Variants in GOLGA5 observed in about 807,000 individuals in gnomAD.
The protein encoded by GOLGA5 is golgin A5.
In GOLGA5, 50 loss-of-function variants were observed where a neutral mutation model predicts 93.5. The ratio of observed to expected loss-of-function variants is 0.53; its 90% CI spans 0.43 to 0.68. The LOEUF (loss-of-function observed/expected upper bound fraction) is 0.68, where lower values mean the gene tolerates loss of function less well. GOLGA5 is among the 30% of genes least tolerant of loss of function. The pLI is 0.00. For synonymous variants in GOLGA5, 312 were observed against 304.5 expected (o/e 1.02, Z -0.26); for missense variants, 760 against 856.4 (o/e 0.89, Z 1.40).
At chr14:92,832,096 G>A (rs118151436) in intron 9 of GOLGA5, among the ~76,000 whole-genome samples, 3 of 152,224 alleles carry the variant, frequency 2.0e-5, no homozygotes, top group East Asian at 1.9e-4. Context: ...CAGCGTTATC[G>A]GAGTGACTGA....
intron 9 of GOLGA5, among the ~76,000 whole-genome samples, chr14:92,830,209 T>C (rs1415666863): frequency 6.6e-6 from 1 of 152,068 alleles, no homozygotes; most frequent in Non-Finnish European, 1.5e-5. Flanking sequence ...TCCCAGCTAT[T>C]CAGGAGGCTG....
At chr14:92,814,991 C>T (rs573962005) in intron 6 of GOLGA5, among the ~76,000 whole-genome samples, 4 of 152,252 alleles carry the variant, frequency 2.6e-5, no homozygotes, top group South Asian at 4.2e-4. Context: ...AACAGGCCCA[C>T]GGACCATCAT....
intron 12 of GOLGA5, among the ~76,000 whole-genome samples, chr14:92,838,368 GTGT>G (rs1231553953): frequency 1.3e-5 from 2 of 151,818 alleles, no homozygotes; most frequent in African/African-American, 4.8e-5. Context: ...TACAGGTTTT[GTGT>G]TGTTTTTTTT....
intron 6 of GOLGA5, among the ~76,000 whole-genome samples, chr14:92,815,904 A>G (rs1885193772): frequency 6.6e-6 from 1 of 151,368 alleles, no homozygotes. Context: ...ACGGGGTTTC[A>G]CCATATTAGC....
Position 92,809,538 on chromosome 14 carries a change from A to G in GOLGA5, c.992+19A>G. Reference sequence around the variant, plus strand: ...AATCACGGTAGGTGATTCTATGAATAATGAAAAAAATGAGCAAGTAATGGT... The same window carrying G: ...AATCACGGTAGGTGATTCTATGAATGATGAAAAAAATGAGCAAGTAATGGT... On this transcript the variant is annotated intron_variant, in intron 4 of 12. Transcript: ENST00000163416. 2.1e-6 allele frequency: 3 copies of G among 1,435,710 alleles called. No individual in the cohort carries two copies. Among genetic ancestry groups the G allele is most frequent in the Non-Finnish European group, 2.9e-6 (3 of 1,021,358 alleles). The allele number at this position is 1,435,710 out of a possible 1,614,324, so 88.9% of individuals were successfully genotyped here.
chr14:92,820,446 G>A (rs1327727888), intron 8 of GOLGA5, among the ~76,000 whole-genome samples: 1 of 152,196 alleles, frequency 6.6e-6, no homozygotes, highest in East Asian at 1.9e-4. Context: ...TGTACAATCG[G>A]GTTTTATCCT....
At position 92,805,325 on chromosome 14, in the gene GOLGA5, C is replaced by T. The variant is rs535663766; in HGVS notation, c.545-1411C>T. Among the ~76,000 whole-genome samples the T allele has an allele frequency of 1.2e-3, 186 of 152,150 alleles. 2 individuals carry two copies. The highest frequency in any genetic ancestry group is 4.2e-3 in the African/African-American group (175 of 41,516). On this transcript the variant is annotated intron_variant, in intron 2 of 12. Coordinates refer to ENST00000163416, the MANE Select transcript of GOLGA5 (RefSeq NM_005113.4). Reference sequence around the variant, plus strand: ...AGTGAGATTCATCCATGTTACTGTTCTTTTTTTATTCTGTTTTATTATGTA... The same window carrying T: ...AGTGAGATTCATCCATGTTACTGTTTTTTTTTTATTCTGTTTTATTATGTA...
intron 2 of GOLGA5, among the ~76,000 whole-genome samples, chr14:92,802,918 T>G (rs1229535887): frequency 6.6e-6 from 1 of 152,044 alleles, no homozygotes; most frequent in African/African-American, 2.4e-5. Context: ...TGCACACCAC[T>G]GCACCTAGCT....
chr14:92,801,666 A>G (rs1397396041), intron 2 of GOLGA5, among the ~76,000 whole-genome samples: 1 of 151,104 alleles, frequency 6.6e-6, no homozygotes, highest in South Asian at 2.1e-4. Flanking sequence ...CTTTCCTTAC[A>G]CTGAGATCAT....
intron 8 of GOLGA5, among the ~76,000 whole-genome samples, chr14:92,824,326 C>T (rs1380126069): frequency 6.6e-6 from 1 of 152,094 alleles, no homozygotes; most frequent in Non-Finnish European, 1.5e-5. Context: ...TCTTTGTTTA[C>T]AATACATACT....
intron 2 of GOLGA5, among the ~76,000 whole-genome samples, chr14:92,800,985 A>G (rs1884858754): frequency 6.6e-6 from 1 of 152,190 alleles, no homozygotes; most frequent in Non-Finnish European, 1.5e-5. Flanking sequence ...AATTAATTCA[A>G]TAGTGTGGGA....
intron 6 of GOLGA5, among the ~76,000 whole-genome samples, chr14:92,812,116 C>T (rs1351282229): frequency 6.6e-6 from 1 of 152,170 alleles, no homozygotes; most frequent in African/African-American, 2.4e-5. Context: ...ATTGTCTCAC[C>T]CAGCTTTTTT....
At chr14:92,813,508 A>C (rs1885144435) in intron 6 of GOLGA5, among the ~76,000 whole-genome samples, 1 of 152,220 alleles carries the variant, frequency 6.6e-6, no homozygotes, top group Admixed American at 6.5e-5. Flanking sequence ...CCGAGAGAAC[A>C]ACCTGTGCCA....
At chr14:92,836,835 C>T (rs1201105274) in intron 11 of GOLGA5, among the ~76,000 whole-genome samples, 1 of 152,066 alleles carries the variant, frequency 6.6e-6, no homozygotes, top group Non-Finnish European at 1.5e-5. Context: ...GAGGCTGAGG[C>T]AGGCGGATCA....
At chr14:92,834,196 A>AAT (rs1885589708) in intron 10 of GOLGA5, among the ~76,000 whole-genome samples, 3 of 98,742 alleles carry the variant, frequency 3.0e-5, no homozygotes, top group Non-Finnish European at 4.3e-5. Flanking sequence ...TTTTTTTTTT[A>AAT]TTTTATTTTT....
intron 9 of GOLGA5, among the ~76,000 whole-genome samples, chr14:92,828,903 A>C (rs1390078582): frequency 6.6e-6 from 1 of 152,200 alleles, no homozygotes; most frequent in Non-Finnish European, 1.5e-5. Context: ...TCCTGGCCTC[A>C]ACCAATCCAC....
intron 9 of GOLGA5, 79 bp downstream of exon 9, chr14:92,824,723 T>A: frequency 1.4e-6 from 1 of 721,678 alleles, no homozygotes; most frequent in Non-Finnish European, 2.4e-6. Flanking sequence ...CAGTAAGAAC[T>A]TTCCCCGTGT....
At chr14:92,800,648 C>T (rs1884850951) in intron 2 of GOLGA5, among the ~76,000 whole-genome samples, 2 of 152,140 alleles carry the variant, frequency 1.3e-5, no homozygotes, top group Admixed American at 1.3e-4. Context: ...AGTGCCTTCC[C>T]AGGCTTCCTG....
At chr14:92,835,889 CAA>C (rs1885630510) in intron 11 of GOLGA5, among the ~76,000 whole-genome samples, 1 of 152,108 alleles carries the variant, frequency 6.6e-6, no homozygotes, top group East Asian at 1.9e-4. Context: ...GAAATTATGT[CAA>C]GAGGTCTGCC....
Sources: allele counts gnomAD v4.1 joint callset (sites outside exome capture counted in the v4.1 genomes callset), GRCh38; gene constraint gnomAD v4.1.1; transcripts MANE v1.5; gene names NCBI Gene and HGNC (gene_info 2026-07-23, HGNC 2026-07-21).